The following FGGY variants were observed in gnomAD, a reference collection of about 807,000 sequenced individuals.
The protein encoded by FGGY is FGGY carbohydrate kinase domain-containing protein.
FGGY carries 72 observed loss-of-function variants against 71.3 expected under a neutral mutation model. That is an observed-to-expected ratio of 1.01 (90% CI 0.84 to 1.23). FGGY has a LOEUF of 1.23. Ranked by LOEUF, FGGY falls within the 50% of genes most tolerant of loss-of-function variation. The pLI is 0.00. For missense variants in FGGY, 668 were observed against 682.3 expected (o/e 0.98, Z 0.23); for synonymous variants, 251 against 250.3 (o/e 1.00, Z -0.02).
intron 6 of FGGY, among the ~76,000 whole-genome samples, chr1:59,472,229 G>T (rs1289372977): frequency 6.6e-6 from 1 of 152,202 alleles, no homozygotes; most frequent in Non-Finnish European, 1.5e-5. Flanking sequence ...GGAGCGGTCG[G>T]CCGGCTCCAC....
Position 59,557,123 on chromosome 1 carries a change from G to A in FGGY, c.903+2896G>A, listed in dbSNP as rs563313788. 2.0e-5 allele frequency among the ~76,000 whole-genome samples: 3 copies of A among 152,278 alleles called. No individual in the cohort carries two copies. In the East Asian group the frequency reaches 5.8e-4, roughly 29 times the overall value. ...ACAATAACACCTTTGTGAGGTCTAGGAGAGGTGCAGGTCTGAGGAAACACT... is the reference window on the plus strand; with the variant it reads ...ACAATAACACCTTTGTGAGGTCTAGAAGAGGTGCAGGTCTGAGGAAACACT... On this transcript the variant is annotated intron_variant, in intron 8 of 15. Coordinates refer to ENST00000303721, the MANE Select transcript of FGGY (RefSeq NM_018291.5).
intron 14 of FGGY, among the ~76,000 whole-genome samples, chr1:59,739,145 A>C (rs2098127928): frequency 6.6e-6 from 1 of 152,226 alleles, no homozygotes; most frequent in African/African-American, 2.4e-5. Context: ...TACATTTGCC[A>C]TGAGCACCAG....
intron 4 of FGGY, among the ~76,000 whole-genome samples, chr1:59,378,464 A>G (rs1453404428): frequency 6.6e-6 from 1 of 152,090 alleles, no homozygotes; most frequent in Non-Finnish European, 1.5e-5. Context: ...GTATGTCTTT[A>G]TCAGCAGTGT....
chr1:59,319,713 T>C (rs1055851949), intron 1 of FGGY, among the ~76,000 whole-genome samples: 1 of 152,070 alleles, frequency 6.6e-6, no homozygotes, highest in African/African-American at 2.4e-5. Flanking sequence ...GTCTGTAGCC[T>C]GGAGTGAGAA....
chr1:59,455,809 A>G (rs1427720508), intron 5 of FGGY, among the ~76,000 whole-genome samples: 3 of 152,212 alleles, frequency 2.0e-5, no homozygotes, highest in Non-Finnish European at 4.4e-5. Context: ...TAAGAGTTTG[A>G]ATTATCATGG....
chr1:59,300,956 G>T (rs960435194), intron 1 of FGGY, among the ~76,000 whole-genome samples: 4 of 151,968 alleles, frequency 2.6e-5, no homozygotes, highest in African/African-American at 9.7e-5. Context: ...ATTATTCTAG[G>T]TTCTATTTCC....
intron 5 of FGGY, among the ~76,000 whole-genome samples, chr1:59,450,746 A>C (rs1434206774): frequency 1.3e-5 from 2 of 152,096 alleles, no homozygotes; most frequent in African/African-American, 4.8e-5. Context: ...AAATATTATG[A>C]ATGGTAGTTT....
intron 2 of FGGY, chr1:59,332,173 T>C (rs933521058): frequency 6.6e-6 from 1 of 152,034 alleles, no homozygotes; most frequent in African/African-American, 2.4e-5. Flanking sequence ...TGATACACAA[T>C]CCCTTCCCCA....
At chr1:59,455,596 C>T (rs1463128048) in intron 5 of FGGY, among the ~76,000 whole-genome samples, 1 of 152,132 alleles carries the variant, frequency 6.6e-6, no homozygotes, top group Non-Finnish European at 1.5e-5. Flanking sequence ...CAGAGATTGA[C>T]ATAAAATATT....
intron 2 of FGGY, among the ~76,000 whole-genome samples, chr1:59,336,983 ATATATG>A (rs1190942876): frequency 6.8e-6 from 1 of 146,810 alleles, no homozygotes; most frequent in Non-Finnish European, 1.5e-5. Flanking sequence ...AGTAGGAAAT[ATATATG>A]TATATGTACA....
At chr1:59,647,911 A>C (rs1572600025) in intron 11 of FGGY, among the ~76,000 whole-genome samples, 1 of 70,912 alleles carries the variant, frequency 1.4e-5, no homozygotes, top group Non-Finnish European at 2.6e-5. Flanking sequence ...CCCCCACCCC[A>C]CCACAGTCCC....
chr1:59,321,490 C>T lies in FGGY; in HGVS notation c.-14-46C>T. ...TTGAGATGTTTTGTGACTGTCTTTG[C>T]AGATCCACTTGGTCTTCATATGGTT... On this transcript the variant is annotated intron_variant, in intron 1 of 15. Coordinates refer to ENST00000303721, the MANE Select transcript of FGGY (RefSeq NM_018291.5). The T allele has an allele frequency of 3.3e-6, 5 of 1,537,432 alleles. No individual in the cohort carries two copies. The South Asian group carries it at 4.6e-5, about 14-fold the overall frequency.
rs375157320 is a variant in FGGY, at chr1:59,621,613, GT to G, written c.1012-4366del. ...TCACTATAGAATTCTTGATTTACAG[GT>G]TTTTTTTTCCATCAGCACCTTAAAA... On this transcript the variant is annotated intron_variant, in intron 9 of 15. Coordinates refer to ENST00000303721, the MANE Select transcript of FGGY (RefSeq NM_018291.5). 1.2e-4 allele frequency among the ~76,000 whole-genome samples: 18 copies of G among 150,164 alleles called. No individual in the cohort carries two copies. In the East Asian group the frequency reaches 2.3e-3, roughly 19 times the overall value.
intron 5 of FGGY, among the ~76,000 whole-genome samples, chr1:59,453,488 C>A (rs2091394624): frequency 6.6e-6 from 1 of 152,160 alleles, no homozygotes; most frequent in Admixed American, 6.5e-5. Flanking sequence ...ATGGACAGCT[C>A]ATTTAGGCTG....
chr1:59,731,266 G>C (rs888245282), intron 14 of FGGY, among the ~76,000 whole-genome samples: 3 of 152,176 alleles, frequency 2.0e-5, no homozygotes, highest in Non-Finnish European at 4.4e-5. Flanking sequence ...GTCAAAGAAG[G>C]CGGGAAAGAA....
Position 59,456,961 on chromosome 1 carries a change from G to T in FGGY, c.555G>T (p.Arg185=), listed in dbSNP as rs370588980. The T allele has an allele frequency of 2.3e-5, 37 of 1,609,602 alleles. No homozygotes were observed. Among genetic ancestry groups the T allele is most frequent in the Non-Finnish European group, 3.1e-5 (36 of 1,176,148 alleles). ...ATCTATATCTCTTCTATTTTCTTAGGTCTCTCTGCTCCCTGGTGTGTAAGT... is the reference window on the plus strand; with the variant it reads ...ATCTATATCTCTTCTATTTTCTTAGTTCTCTCTGCTCCCTGGTGTGTAAGT... The part of the protein sequence containing the change: ...LSWKATGVTA[R]SLCSLVCKWT... The change falls in exon 6 of 16, where the codon CGG becomes CGT. Residue 185 remains arginine, a splice_region_variant and synonymous_variant. Coordinates refer to ENST00000303721, the MANE Select transcript of FGGY (RefSeq NM_018291.5).
At chr1:59,571,997 T>G (rs563882679) in intron 8 of FGGY, among the ~76,000 whole-genome samples, 1 of 152,284 alleles carries the variant, frequency 6.6e-6, no homozygotes, top group African/African-American at 2.4e-5. Flanking sequence ...TTAGATGGCT[T>G]GGAATTGCAG....
At chr1:59,741,077 T>C (rs886332321) in intron 14 of FGGY, among the ~76,000 whole-genome samples, 13 of 152,250 alleles carry the variant, frequency 8.5e-5, no homozygotes, top group Non-Finnish European at 5.9e-5. Context: ...AATTTAAAAT[T>C]ACTTGTGTAA....
intron 5 of FGGY, among the ~76,000 whole-genome samples, chr1:59,448,503 G>T (rs1456298550): frequency 6.6e-6 from 1 of 152,084 alleles, no homozygotes; most frequent in African/African-American, 2.4e-5. Flanking sequence ...TGCACTCCAG[G>T]AGTCTAACTT....
Sources: allele counts gnomAD v4.1 joint callset (sites outside exome capture counted in the v4.1 genomes callset), GRCh38; gene constraint gnomAD v4.1.1; transcripts MANE v1.5; gene names NCBI Gene and HGNC (gene_info 2026-07-23, HGNC 2026-07-21).